The following NRG3 variants were observed in gnomAD, a reference collection of about 807,000 sequenced individuals.
NRG3 encodes the protein neuregulin 3.
NRG3 carries 31 observed loss-of-function variants against 66.9 expected under a neutral mutation model. The ratio of observed to expected loss-of-function variants is 0.46; its 90% CI spans 0.35 to 0.63. The LOEUF (loss-of-function observed/expected upper bound fraction) is 0.63, where lower values mean the gene tolerates loss of function less well. NRG3 is among the 20% of genes least tolerant of loss of function. The probability of loss-of-function intolerance (pLI) is 0.00; values close to 1 mark genes in which losing one functional copy is unlikely to be tolerated. For missense variants in NRG3, 910 were observed against 878.9 expected (o/e 1.04, Z -0.45); for synonymous variants, 393 against 359.4 (o/e 1.09, Z -1.06).
chr10:82,058,885 C>G (rs75701579), intron 1 of NRG3, among the ~76,000 whole-genome samples: 2 of 152,030 alleles, frequency 1.3e-5, no homozygotes, highest in Admixed American at 6.6e-5. Flanking sequence ...ATAGGAGGTG[C>G]GTCTGACCTG....
intron 4 of NRG3, among the ~76,000 whole-genome samples, chr10:82,946,432 G>A (rs765580454): frequency 7.2e-5 from 11 of 151,920 alleles, no homozygotes; most frequent in East Asian, 3.9e-4. Context: ...CCAGCTGCTC[G>A]GGAGGCTGAG....
chr10:81,880,240 TG>T (rs1466393137), intron 1 of NRG3, among the ~76,000 whole-genome samples: 1 of 152,174 alleles, frequency 6.6e-6, no homozygotes, highest in East Asian at 1.9e-4. Context: ...TTGGACTCGT[TG>T]GTCTCCGTGC....
chr10:81,907,891 C>A (rs912620369), intron 1 of NRG3, among the ~76,000 whole-genome samples: 8 of 152,142 alleles, frequency 5.3e-5, no homozygotes, highest in African/African-American at 1.9e-4. Context: ...TATCTTACAG[C>A]ACTCTGATTT....
intron 3 of NRG3, among the ~76,000 whole-genome samples, chr10:82,739,104 G>A (rs1421456335): frequency 6.6e-6 from 1 of 152,192 alleles, no homozygotes; most frequent in Non-Finnish European, 1.5e-5. Context: ...AATCATGTAA[G>A]AAGTTTTCAA....
At chr10:81,942,307 C>G (rs565302532) in intron 1 of NRG3, among the ~76,000 whole-genome samples, 64 of 152,176 alleles carry the variant, frequency 4.2e-4, no homozygotes, top group African/African-American at 1.4e-3. Context: ...CAAGTCCCAG[C>G]AGAATAGGCA....
intron 2 of NRG3, among the ~76,000 whole-genome samples, chr10:82,695,053 ATTAT>A (rs2055264932): frequency 6.6e-6 from 1 of 152,176 alleles, no homozygotes; most frequent in African/African-American, 2.4e-5. Context: ...AATATTGTAT[ATTAT>A]TTAGAAAACA....
chr10:82,946,085 G>A (rs2132308433), intron 4 of NRG3, among the ~76,000 whole-genome samples: 1 of 152,050 alleles, frequency 6.6e-6, no homozygotes, highest in Non-Finnish European at 1.5e-5. Context: ...TAGGTGCTGA[G>A]GAGATAATGA....
chr10:82,075,116 C>T (rs1287956432), intron 1 of NRG3, among the ~76,000 whole-genome samples: 1 of 152,172 alleles, frequency 6.6e-6, no homozygotes, highest in Non-Finnish European at 1.5e-5. Flanking sequence ...ATGGTTTGAA[C>T]TTCAAGATCT....
chr10:82,969,975 T>C (rs1460458267), intron 6 of NRG3, among the ~76,000 whole-genome samples: 3 of 152,242 alleles, frequency 2.0e-5, no homozygotes, highest in Non-Finnish European at 4.4e-5. Context: ...TGGATTTATA[T>C]GCATACGCTT....
intron 1 of NRG3, among the ~76,000 whole-genome samples, chr10:82,137,932 A>C (rs564059686): frequency 8.5e-5 from 13 of 152,168 alleles, no homozygotes; most frequent in Non-Finnish European, 1.3e-4. Context: ...CCTTGTCCTT[A>C]ACTTGGGTAA....
intron 1 of NRG3, among the ~76,000 whole-genome samples, chr10:81,944,559 T>A (rs1435131523): frequency 2.6e-5 from 4 of 152,140 alleles, no homozygotes; most frequent in Admixed American, 6.6e-5. Context: ...GTTAGAAATG[T>A]GATTATAAAA....
intron 1 of NRG3, among the ~76,000 whole-genome samples, chr10:81,985,373 C>T (rs376342465): frequency 6.6e-6 from 1 of 152,210 alleles, no homozygotes; most frequent in South Asian, 2.1e-4. Context: ...GCCAAAGTGG[C>T]CCAAGCTCAT....
At chr10:82,659,808 A>G (rs2052186050) in intron 2 of NRG3, among the ~76,000 whole-genome samples, 1 of 152,072 alleles carries the variant, frequency 6.6e-6, no homozygotes, top group Admixed American at 6.6e-5. Context: ...TCATCTTCCA[A>G]TGGTTGCCTT....
Position 82,978,950 on chromosome 10 carries a change from G to T in NRG3, c.1413G>T (p.Arg471Ser). 6.2e-7 allele frequency: 1 copy of T among 1,613,426 alleles called. No individual in the cohort carries two copies. The highest frequency in any genetic ancestry group is 8.5e-7 in the Non-Finnish European group (1 of 1,179,696). The change falls in exon 8 of 9, where the codon AGG becomes AGT. Residue 471 changes from arginine (R) to serine (S), a missense_variant and splice_region_variant. Physicochemically the swap from Arg to Ser is moderately radical, Grantham distance 110. Transcript: ENST00000372141. ...DRGSQSVKHH[R>S]SLSSCCSPGQ... Reference sequence around the variant, plus strand: ...GTCTGTTTTCATTCCACCCCAGCAGGAGTCTATCCTCTTGCTGCAGCCCAG... The same window carrying T: ...GTCTGTTTTCATTCCACCCCAGCAGTAGTCTATCCTCTTGCTGCAGCCCAG...
chr10:82,303,565 A>T (rs953807299), intron 1 of NRG3, among the ~76,000 whole-genome samples: 4 of 152,184 alleles, frequency 2.6e-5, no homozygotes, highest in East Asian at 3.8e-4. Flanking sequence ...TTAGAAGATG[A>T]GTATAAATGC....
At chr10:82,718,755 G>C (rs759858707) in intron 2 of NRG3, among the ~76,000 whole-genome samples, 2 of 152,162 alleles carry the variant, frequency 1.3e-5, no homozygotes, top group Non-Finnish European at 2.9e-5. Flanking sequence ...AAATGATGTA[G>C]ATTAATTCCA....
chr10:82,385,239 G>A (rs879701707), intron 2 of NRG3, among the ~76,000 whole-genome samples: 2 of 152,048 alleles, frequency 1.3e-5, no homozygotes, highest in African/African-American at 2.4e-5. Context: ...ACTTTGCAAA[G>A]TTTTCTCCCG....
intron 1 of NRG3, among the ~76,000 whole-genome samples, chr10:82,209,812 T>A (rs547532043): frequency 6.6e-6 from 1 of 152,306 alleles, no homozygotes; most frequent in East Asian, 1.9e-4. Flanking sequence ...ACCTTTCAGT[T>A]TTGCAGTGTG....
chr10:81,930,261 T>C (rs1159824998), intron 1 of NRG3, among the ~76,000 whole-genome samples: 5 of 152,166 alleles, frequency 3.3e-5, no homozygotes, highest in Non-Finnish European at 7.4e-5. Context: ...GAGTATGGTC[T>C]CCAGCAAGAT....
Sources: gnomAD v4.1 joint callset for allele counts (sites outside exome capture counted in the v4.1 genomes callset) on GRCh38, gnomAD v4.1.1 for gene constraint, MANE v1.5 for transcripts, NCBI Gene and HGNC (gene_info 2026-07-23, HGNC 2026-07-21) for gene names.